Variants in UBR3 observed in about 807,000 individuals in gnomAD.
UBR3 encodes E3 ubiquitin-protein ligase UBR3.
A neutral mutation model predicts 243.2 loss-of-function variants in UBR3; 85 were observed. That is an observed-to-expected ratio of 0.35 (90% CI 0.29 to 0.42). The LOEUF (loss-of-function observed/expected upper bound fraction) is 0.42. Among genes scored for constraint, UBR3 ranks in the 10% least tolerant of loss-of-function variants. The pLI is 1.00. For missense variants in UBR3, 1,686 were observed against 2,300.8 expected (o/e 0.73, Z 5.47); for synonymous variants, 748 against 799.8 (o/e 0.94, Z 1.09).
chr2:169,870,977 A>AG (rs1434041930), intron 1 of UBR3, among the ~76,000 whole-genome samples: 1 of 152,100 alleles, frequency 6.6e-6, no homozygotes, highest in Non-Finnish European at 1.5e-5. Flanking sequence ...AAAAAAAAAA[A>AG]AAAGATCAAT....
intron 35 of UBR3, among the ~76,000 whole-genome samples, chr2:170,071,948 A>G (rs1237302946): frequency 6.6e-6 from 1 of 152,204 alleles, no homozygotes; most frequent in Non-Finnish European, 1.5e-5. Context: ...ATGTGGAGAA[A>G]TAGGAACACT....
intron 24 of UBR3, among the ~76,000 whole-genome samples, chr2:169,971,075 GTGA>G (rs925346943): frequency 1.3e-5 from 2 of 151,206 alleles, no homozygotes; most frequent in African/African-American, 2.5e-5. Flanking sequence ...CTGATGGCTG[GTGA>G]TGATGAGCAT....
intron 33 of UBR3, among the ~76,000 whole-genome samples, chr2:170,055,844 A>T (rs1292578059): frequency 6.6e-6 from 1 of 152,158 alleles, no homozygotes; most frequent in Non-Finnish European, 1.5e-5. Flanking sequence ...AACTTAGAGA[A>T]GTTATAAAAA....
chr2:169,864,909 A>AC (rs1329224478), intron 1 of UBR3, among the ~76,000 whole-genome samples: 2 of 130,384 alleles, frequency 1.5e-5, no homozygotes, highest in African/African-American at 5.3e-5. Context: ...TCCGTCTCAA[A>AC]AAAAAAAAAA....
At chr2:169,839,618 T>G (rs1362972984) in intron 1 of UBR3, among the ~76,000 whole-genome samples, 2 of 152,164 alleles carry the variant, frequency 1.3e-5, no homozygotes, top group Non-Finnish European at 2.9e-5. Flanking sequence ...ATGTATTACA[T>G]TATTACATGT....
intron 30 of UBR3, among the ~76,000 whole-genome samples, chr2:170,022,095 C>T (rs1403336493): frequency 6.6e-6 from 1 of 152,122 alleles, no homozygotes; most frequent in Non-Finnish European, 1.5e-5. Context: ...GAACTGACCT[C>T]TCTTCCTAGG....
At chr2:169,924,296 G>T in intron 13 of UBR3, 123 bp downstream of exon 13, 3 of 730,406 alleles carry the variant, frequency 4.1e-6, no homozygotes, top group Admixed American at 3.6e-5. Flanking sequence ...TTAAAAAGTT[G>T]TTATTGTATT....
Position 169,932,076 on chromosome 2 carries a change from A to AT in UBR3, c.2567-821dup, listed in dbSNP as rs140968517. ...TCTCTTCAAAATCAATAGCTCATTA[A>AT]TTTTTTTTTTTTTTTCTTGGAGACT... is the stretch of plus-strand genomic sequence containing the variant. On this transcript the variant is annotated intron_variant, in intron 18 of 38. Coordinates refer to ENST00000272793, the MANE Select transcript of UBR3 (RefSeq NM_172070.4). 8.3e-4 allele frequency among the ~76,000 whole-genome samples: 121 copies of AT among 145,944 alleles called. 1 individual carries two copies. The highest frequency in any genetic ancestry group is 1.1e-3 in the Non-Finnish European group (73 of 66,232).
intron 24 of UBR3, among the ~76,000 whole-genome samples, chr2:169,965,489 T>TTA (rs1480697793): frequency 6.6e-6 from 1 of 152,256 alleles, no homozygotes; most frequent in East Asian, 1.9e-4. Context: ...ATGATAAAGT[T>TTA]TATAAATTAA....
intron 5 of UBR3, among the ~76,000 whole-genome samples, chr2:169,889,504 C>T (rs189038912): frequency 4.5e-4 from 68 of 152,240 alleles, no homozygotes; most frequent in African/African-American, 1.5e-3. Context: ...ACCCTCTGGG[C>T]CCTGTAGTAT....
chr2:169,831,603 C>T (rs2081944846), intron 1 of UBR3, among the ~76,000 whole-genome samples: 1 of 152,086 alleles, frequency 6.6e-6, no homozygotes, highest in Admixed American at 6.6e-5. Context: ...TTTTTTCTAA[C>T]TGCTTGGATT....
At chr2:169,890,579 A>ATATATATGTATATATATATG (rs373265395) in intron 5 of UBR3, among the ~76,000 whole-genome samples, 3 of 61,266 alleles carry the variant, frequency 4.9e-5, no homozygotes, top group African/African-American at 2.2e-4. Flanking sequence ...ATATATATAT[A>ATATATATGTATATATATATG]TGTATATATA....
At chr2:169,847,838 T>C (rs904711312) in intron 1 of UBR3, among the ~76,000 whole-genome samples, 3 of 152,236 alleles carry the variant, frequency 2.0e-5, no homozygotes, top group Non-Finnish European at 4.4e-5. Context: ...TCAAATGTTT[T>C]TATCCCTGGC....
Position 169,877,196 on chromosome 2 carries a change from G to T in UBR3, c.845-298G>T, listed in dbSNP as rs372631598. Among the ~76,000 whole-genome samples, 36 of 152,222 alleles carry T rather than the reference G, an allele frequency of 2.4e-4. No homozygotes were observed. The South Asian group carries it at 7.0e-3, about 30-fold the overall frequency. On this transcript the variant is annotated intron_variant, in intron 3 of 38. Coordinates refer to ENST00000272793, the MANE Select transcript of UBR3 (RefSeq NM_172070.4). ...TGACTTTCTTTACTGTAATTTTCAG[G>T]TTCCTTTAAAGTTCGGATCATGTCT...
intron 35 of UBR3, among the ~76,000 whole-genome samples, chr2:170,069,543 T>G (rs1352533181): frequency 1.3e-5 from 2 of 152,062 alleles, no homozygotes; most frequent in Non-Finnish European, 2.9e-5. Context: ...TCTCCAGAAC[T>G]TATTCATCTT....
rs141260059 is a variant in UBR3 at position 169,887,745 on chromosome 2, C to T, written c.1039-3420C>T. ...GTGGTGACTCACTGTAAACCTCTGA[C>T]ATTCTTTATTTTTAAATTTTTTTCT... On this transcript the variant is annotated intron_variant, in intron 5 of 38. Coordinates refer to ENST00000272793, the MANE Select transcript of UBR3 (RefSeq NM_172070.4). Among the ~76,000 whole-genome samples the T allele has an allele frequency of 8.0e-4, 122 of 152,082 alleles. 2 individuals carry two copies. Among genetic ancestry groups the T allele is most frequent in the East Asian group, 5.4e-3 (28 of 5,174 alleles).
chr2:169,890,383 T>A (rs2084281481), intron 5 of UBR3, among the ~76,000 whole-genome samples: 1 of 151,680 alleles, frequency 6.6e-6, no homozygotes, highest in Non-Finnish European at 1.5e-5. Context: ...GATGTTTGCC[T>A]GGGCCTGCAA....
intron 24 of UBR3, among the ~76,000 whole-genome samples, chr2:169,972,288 A>C (rs1285336133): frequency 6.6e-6 from 1 of 152,146 alleles, no homozygotes; most frequent in Admixed American, 6.6e-5. Context: ...TACCAACCAA[A>C]AAGAGTCCAG....
intron 1 of UBR3, among the ~76,000 whole-genome samples, chr2:169,852,787 G>A (rs898751139): frequency 4.7e-4 from 66 of 140,972 alleles, no homozygotes; most frequent in African/African-American, 1.6e-3. Context: ...GTGGGTGGAG[G>A]TTGCAGTGAG....
Sources: allele counts gnomAD v4.1 joint callset (sites outside exome capture counted in the v4.1 genomes callset), GRCh38; gene constraint gnomAD v4.1.1; transcripts MANE v1.5; gene names NCBI Gene and HGNC (gene_info 2026-07-23, HGNC 2026-07-21).